KDM4C: variants seen among roughly 807,000 people sequenced by gnomAD.
KDM4C encodes the protein lysine demethylase 4C.
A neutral mutation model predicts 129.3 loss-of-function variants in KDM4C; 81 were observed. The ratio of observed to expected loss-of-function variants is 0.63; its 90% CI spans 0.52 to 0.75. The LOEUF is 0.75. KDM4C is among the 30% of genes least tolerant of loss of function. KDM4C has a pLI of 0.00. For synonymous variants in KDM4C, 573 were observed against 456.1 expected, an observed-to-expected ratio of 1.26 and a Z score of -3.26; for missense variants, 1,457 against 1,304.0, an observed-to-expected ratio of 1.12 and a Z score of -1.81.
At chr9:6,930,651 T>C (rs1040681065) in intron 8 of KDM4C, among the ~76,000 whole-genome samples, 2 of 131,280 alleles carry the variant, frequency 1.5e-5, no homozygotes, top group African/African-American at 5.9e-5. Flanking sequence ...TATGAATACA[T>C]ACTACATATA....
intron 8 of KDM4C, among the ~76,000 whole-genome samples, chr9:6,902,088 C>T (rs962803509): frequency 1.3e-5 from 2 of 152,118 alleles, no homozygotes; most frequent in African/African-American, 4.8e-5. Flanking sequence ...GGTTGGGGTT[C>T]TTCTGCATCT....
intron 15 of KDM4C, among the ~76,000 whole-genome samples, chr9:7,037,140 A>G (rs1012587920): frequency 1.3e-5 from 2 of 152,090 alleles, no homozygotes; most frequent in Admixed American, 1.3e-4. Context: ...AATGTGATTA[A>G]TTACTCTTTG....
At chr9:6,845,274 C>A (rs181525221) in intron 4 of KDM4C, among the ~76,000 whole-genome samples, 3 of 152,112 alleles carry the variant, frequency 2.0e-5, no homozygotes, top group Non-Finnish European at 4.4e-5. Context: ...AGTGCAGTGG[C>A]GCAATCACTG....
intron 1 of KDM4C, among the ~76,000 whole-genome samples, chr9:6,745,937 G>C (rs961953839): frequency 6.6e-6 from 1 of 152,054 alleles, no homozygotes; most frequent in Non-Finnish European, 1.5e-5. Flanking sequence ...AGCCTCCTGA[G>C]TAGCTGGGAT....
At chr9:7,079,503 G>C (rs1190010101) in intron 17 of KDM4C, among the ~76,000 whole-genome samples, 2 of 152,128 alleles carry the variant, frequency 1.3e-5, no homozygotes, top group African/African-American at 4.8e-5. Flanking sequence ...TTTATTTTTA[G>C]TGGAGACAGT....
intron 4 of KDM4C, among the ~76,000 whole-genome samples, chr9:6,828,353 C>T (rs1385681528): frequency 6.6e-6 from 1 of 151,826 alleles, no homozygotes; most frequent in Non-Finnish European, 1.5e-5. Flanking sequence ...TTCACCATGT[C>T]AGACAGGCTG....
At chr9:7,108,855 G>C (rs553258930) in intron 18 of KDM4C, among the ~76,000 whole-genome samples, 11 of 152,160 alleles carry the variant, frequency 7.2e-5, no homozygotes, top group Admixed American at 1.3e-4. Context: ...GTATTGTATT[G>C]TATAGCATAT....
chr9:7,034,760 T>C (rs1182572797), intron 15 of KDM4C, among the ~76,000 whole-genome samples: 1 of 152,246 alleles, frequency 6.6e-6, no homozygotes, highest in Non-Finnish European at 1.5e-5. Context: ...CATATTGTTC[T>C]CCATGGTGGC....
At chr9:7,128,261 G>A in intron 19 of KDM4C, 25 bp downstream of exon 19, 2 of 1,500,336 alleles carry the variant, frequency 1.3e-6, no homozygotes, top group South Asian at 1.4e-5. Flanking sequence ...TTGAGTGCCT[G>A]CTACCCAGAG....
rs368487262 is a variant in KDM4C at position 6,995,757 on chromosome 9, T to C, written c.1786+5233T>C. ...CGCAGTCTCAGCTCACTGCAAGCTCTGCCTGCTGGGTTCACACCATTCTCC... is the reference window on the plus strand; with the variant it reads ...CGCAGTCTCAGCTCACTGCAAGCTCCGCCTGCTGGGTTCACACCATTCTCC... On this transcript the variant is annotated intron_variant, in intron 12 of 21. Coordinates refer to ENST00000381309, the MANE Select transcript of KDM4C (RefSeq NM_015061.6). Among the ~76,000 whole-genome samples, 118 of 152,208 alleles carry C rather than the reference T, an allele frequency of 7.8e-4. 1 individual carries two copies. In the South Asian group the frequency reaches 1.0e-2, roughly 13 times the overall value.
intron 4 of KDM4C, among the ~76,000 whole-genome samples, chr9:6,843,667 T>G (rs555321401): frequency 4.1e-4 from 63 of 152,294 alleles, no homozygotes; most frequent in African/African-American, 1.4e-3. Context: ...AGCCAGCATT[T>G]GGTTGGAGAA....
At chr9:6,896,623 T>C (rs140488498) in intron 8 of KDM4C, among the ~76,000 whole-genome samples, 1 of 152,212 alleles carries the variant, frequency 6.6e-6, no homozygotes, top group East Asian at 1.9e-4. Flanking sequence ...TGTTCCCCAG[T>C]AGGGACCTTT....
upstream of KDM4C, among the ~76,000 whole-genome samples, chr9:6,755,208 T>A (rs1185819735): frequency 6.6e-6 from 1 of 151,832 alleles, no homozygotes; most frequent in Non-Finnish European, 1.5e-5. Context: ...CGTCTCCACT[T>A]AAAATACAAA....
At chr9:7,135,600 G>T (rs1841116960) in intron 19 of KDM4C, among the ~76,000 whole-genome samples, 1 of 142,272 alleles carries the variant, frequency 7.0e-6, no homozygotes, top group South Asian at 2.2e-4. Context: ...TGTCCGTTCT[G>T]AGCTATGTGT....
At chr9:6,841,196 A>C (rs1330462832) in intron 4 of KDM4C, among the ~76,000 whole-genome samples, 1 of 152,066 alleles carries the variant, frequency 6.6e-6, no homozygotes, top group Non-Finnish European at 1.5e-5. Context: ...GAATTCTTGA[A>C]TTTCAAAAAT....
intron 17 of KDM4C, among the ~76,000 whole-genome samples, chr9:7,060,789 T>C (rs1831548253): frequency 1.3e-5 from 2 of 151,362 alleles, no homozygotes; most frequent in African/African-American, 4.9e-5. Flanking sequence ...CAGGATTTTA[T>C]TTCTTAAAGG....
At chr9:7,123,609 G>T (rs747136138) in intron 18 of KDM4C, among the ~76,000 whole-genome samples, 2 of 152,190 alleles carry the variant, frequency 1.3e-5, no homozygotes, top group Non-Finnish European at 2.9e-5. Context: ...GGGTTCTGTG[G>T]ATAAAAAGAC....
intron 19 of KDM4C, among the ~76,000 whole-genome samples, chr9:7,141,164 A>G (rs1042612327): frequency 2.6e-5 from 4 of 152,192 alleles, no homozygotes; most frequent in African/African-American, 9.6e-5. Context: ...CTAGTGAAAA[A>G]GAATTGGAAA....
At chr9:6,831,358 A>C (rs1834786156) in intron 4 of KDM4C, among the ~76,000 whole-genome samples, 1 of 136,784 alleles carries the variant, frequency 7.3e-6, no homozygotes, top group Non-Finnish European at 1.5e-5. Flanking sequence ...TTATGATGAG[A>C]TCTTTTTTAT....
Sources: allele counts gnomAD v4.1 joint callset (sites outside exome capture counted in the v4.1 genomes callset), GRCh38; gene constraint gnomAD v4.1.1; transcripts MANE v1.5; gene names NCBI Gene and HGNC (gene_info 2026-07-23, HGNC 2026-07-21).